GDPD1: variants seen among roughly 807,000 people sequenced by gnomAD.
GDPD1 encodes glycerophosphodiester phosphodiesterase domain containing 1, also known as lysophospholipase D GDPD1.
Under a neutral mutation model 45.1 loss-of-function variants are expected in GDPD1, and 28 were observed. The observed-to-expected ratio is 0.62, with a 90% CI of 0.46 to 0.85. GDPD1 has a LOEUF of 0.85. GDPD1 is among the 40% of genes least tolerant of loss of function. GDPD1 has a pLI of 0.00. For missense variants in GDPD1, 256 were observed against 364.8 expected, an observed-to-expected ratio of 0.70 and a Z score of 2.43; for synonymous variants, 139 against 131.4, an observed-to-expected ratio of 1.06 and a Z score of -0.40.
Position 59,234,533 on chromosome 17 carries a change from CAGTA to C in GDPD1, c.185+4_185+7del. On this transcript the variant is annotated splice_donor_variant and splice_donor_region_variant and coding_sequence_variant and intron_variant, in exon 2 of 10. Coordinates refer to ENST00000284116, the MANE Select transcript of GDPD1 (RefSeq NM_182569.4). LOFTEE classifies it high-confidence loss of function. ...GGAGAATACAATGGCAGCCTTTCAG[CAGTA>C]AGTATGTAAAAAAGGTAAAAGGTAC... The C allele has an allele frequency of 3.1e-6, 5 of 1,598,464 alleles. No individual in the cohort carries two copies. The highest frequency in any genetic ancestry group is 1.1e-5 in the South Asian group (1 of 89,770).
At chr17:59,231,519 G>T (rs1240003535) in intron 1 of GDPD1, among the ~76,000 whole-genome samples, 2 of 151,390 alleles carry the variant, frequency 1.3e-5, no homozygotes, top group East Asian at 3.9e-4. Context: ...GTAGAGACGG[G>T]GTTTCACCAT....
intron 4 of GDPD1, among the ~76,000 whole-genome samples, chr17:59,255,774 T>TATATACAC (rs2047295257): frequency 1.3e-5 from 1 of 79,264 alleles, no homozygotes; most frequent in African/African-American, 8.7e-5. Flanking sequence ...TATATATATA[T>TATATACAC]ATATATATAT....
chr17:59,257,034 C>T, intron 4 of GDPD1, 88 bp from the exon 5 acceptor site: 11 of 569,570 alleles, frequency 1.9e-5, no homozygotes, highest in East Asian at 6.5e-5. Flanking sequence ...TATAAATGTC[C>T]TTTAATGAAT....
chr17:59,262,772 C>A (rs191403050), intron 6 of GDPD1, among the ~76,000 whole-genome samples: 1 of 151,754 alleles, frequency 6.6e-6, no homozygotes, highest in Admixed American at 6.6e-5. Context: ...GGATTACAGG[C>A]GCCCGCCACT....
intron 6 of GDPD1, among the ~76,000 whole-genome samples, chr17:59,259,790 G>C (rs530684416): frequency 1.1e-4 from 16 of 147,142 alleles, no homozygotes; most frequent in African/African-American, 4.0e-4. Flanking sequence ...AGGCTAAGTG[G>C]CTCACACCCC....
intron 6 of GDPD1, among the ~76,000 whole-genome samples, chr17:59,264,073 A>T (rs755319187): frequency 2.0e-5 from 3 of 152,138 alleles, no homozygotes; most frequent in Non-Finnish European, 4.4e-5. Context: ...ATCTTGGCTC[A>T]CCGCAACCTC....
intron 6 of GDPD1, among the ~76,000 whole-genome samples, chr17:59,259,617 C>T (rs2047338361): frequency 7.1e-6 from 1 of 141,478 alleles, no homozygotes; most frequent in Admixed American, 7.2e-5. Flanking sequence ...GGCGTGGTGG[C>T]GTGCTCCTGT....
At chr17:59,226,048 T>C (rs2047044985) in intron 1 of GDPD1, among the ~76,000 whole-genome samples, 1 of 152,132 alleles carries the variant, frequency 6.6e-6, no homozygotes, top group African/African-American at 2.4e-5. Flanking sequence ...ATTCACTGAT[T>C]TAAAAATCTG....
intron 1 of GDPD1, among the ~76,000 whole-genome samples, chr17:59,228,254 T>C (rs940674443): frequency 1.3e-5 from 2 of 151,912 alleles, no homozygotes; most frequent in Non-Finnish European, 2.9e-5. Flanking sequence ...TATGAAAGTT[T>C]CTTAGGTAGC....
chr17:59,230,370 ATTTTTTTTTTTTTTTTTT>A (rs942416287), intron 1 of GDPD1, among the ~76,000 whole-genome samples: 49 of 80,082 alleles, frequency 6.1e-4, no homozygotes, highest in African/African-American at 3.3e-3. Context: ...CAGTTGTAGA[ATTTTTTTTTTTTTTTTTT>A]TTTTTTTTTT....
chr17:59,237,422 A>G (rs187286882), intron 2 of GDPD1, among the ~76,000 whole-genome samples: 1 of 152,282 alleles, frequency 6.6e-6, no homozygotes, highest in East Asian at 1.9e-4. Context: ...ATAAATAAAA[A>G]TAAATAAACA....
intron 1 of GDPD1, among the ~76,000 whole-genome samples, chr17:59,234,059 G>A (rs1157948901): frequency 6.6e-6 from 1 of 151,972 alleles, no homozygotes; most frequent in Non-Finnish European, 1.5e-5. Flanking sequence ...TTGGATAAGG[G>A]ATACTGAACC....
chr17:59,250,598 A>C (rs1389645963), intron 4 of GDPD1, among the ~76,000 whole-genome samples: 1 of 141,612 alleles, frequency 7.1e-6, no homozygotes, highest in Non-Finnish European at 1.5e-5. Context: ...CCTGGGTGAC[A>C]GTGAGACCTT....
chr17:59,251,030 T>G (rs1457872354), intron 4 of GDPD1, among the ~76,000 whole-genome samples: 2 of 152,192 alleles, frequency 1.3e-5, no homozygotes, highest in Non-Finnish European at 2.9e-5. Context: ...AAGAGACCTT[T>G]GAGACTGTCT....
intron 6 of GDPD1, among the ~76,000 whole-genome samples, chr17:59,265,836 C>G (rs1419036687): frequency 2.8e-5 from 4 of 141,148 alleles, no homozygotes; most frequent in African/African-American, 1.1e-4. Context: ...GAGCCAGGGT[C>G]GAGGATGCAG....
chr17:59,233,511 C>CAAAAAAA (rs35485066), intron 1 of GDPD1, among the ~76,000 whole-genome samples: 3 of 90,968 alleles, frequency 3.3e-5, no homozygotes, highest in African/African-American at 7.7e-5. Flanking sequence ...GACTCCGTCT[C>CAAAAAAA]AAAAAAAAAA....
intron 3 of GDPD1, among the ~76,000 whole-genome samples, chr17:59,246,158 G>C (rs1597975103): frequency 1.3e-5 from 2 of 151,744 alleles, no homozygotes; most frequent in African/African-American, 4.8e-5. Flanking sequence ...ATTCATTATA[G>C]TAAATACTCA....
Position 59,231,848 on chromosome 17 carries a change from A to C in GDPD1, c.143-2644A>C, listed in dbSNP as rs548822026. ...TTGCTGTGTTGCCCAGGCTGGTCTC[A>C]AACTCCTGGGCTCAAGCGATCTTTC... On this transcript the variant is annotated intron_variant, in intron 1 of 9. Transcript: ENST00000284116. Among the ~76,000 whole-genome samples the C allele has an allele frequency of 2.6e-5, 4 of 152,178 alleles. No individual in the cohort carries two copies. In the South Asian group the frequency reaches 8.3e-4, roughly 32 times the overall value.
rs115977229 is a variant in GDPD1 at position 59,234,105 on chromosome 17, T to C, written c.143-387T>C. ...CACTCTTTAAAACACTTGTACACTT[T>C]GGGAGGCCGAGATGGACAGATCACG... On this transcript the variant is annotated intron_variant, in intron 1 of 9. Transcript: ENST00000284116. 7.2e-3 allele frequency among the ~76,000 whole-genome samples: 1,088 copies of C among 152,106 alleles called. 14 individuals are homozygous for C. The highest frequency in any genetic ancestry group is 0.025 in the African/African-American group (1,051 of 41,494).
Sources: gnomAD v4.1 joint callset for allele counts (sites outside exome capture counted in the v4.1 genomes callset) on GRCh38, gnomAD v4.1.1 for gene constraint, MANE v1.5 for transcripts, NCBI Gene and HGNC (gene_info 2026-07-23, HGNC 2026-07-21) for gene names.